Variants in VTA1 observed in about 807,000 individuals in gnomAD.
The protein encoded by VTA1 is vacuolar protein sorting-associated protein VTA1 homolog.
A neutral mutation model predicts 36.9 loss-of-function variants in VTA1; 24 were observed. The observed-to-expected ratio is 0.65, with a 90% CI of 0.47 to 0.91. The LOEUF (loss-of-function observed/expected upper bound fraction) is 0.91. Among genes scored for constraint, VTA1 ranks in the 40% least tolerant of loss-of-function variants. The pLI is 0.00. For synonymous variants in VTA1, 142 were observed against 130.2 expected, an observed-to-expected ratio of 1.09 and a Z score of -0.62; for missense variants, 393 against 377.2, an observed-to-expected ratio of 1.04 and a Z score of -0.35.
intron 4 of VTA1, among the ~76,000 whole-genome samples, chr6:142,186,175 G>A (rs1230199633): frequency 1.3e-5 from 2 of 152,046 alleles, no homozygotes; most frequent in African/African-American, 4.8e-5. Flanking sequence ...TTAGCTGGGT[G>A]AGGAAGAAAA....
At chr6:142,214,419 C>T (rs142549744) in intron 7 of VTA1, among the ~76,000 whole-genome samples, 33 of 152,192 alleles carry the variant, frequency 2.2e-4, no homozygotes, top group Non-Finnish European at 4.1e-4. Context: ...CTTCTTCACA[C>T]GGCAATAGGA....
chr6:142,162,334 G>A (rs1774826675), intron 1 of VTA1, among the ~76,000 whole-genome samples: 1 of 152,144 alleles, frequency 6.6e-6, no homozygotes, highest in Non-Finnish European at 1.5e-5. Flanking sequence ...CTATCAAGTA[G>A]CTAACTCTGC....
At chr6:142,163,159 A>G (rs1328290071) in intron 1 of VTA1, among the ~76,000 whole-genome samples, 2 of 152,204 alleles carry the variant, frequency 1.3e-5, no homozygotes, top group Non-Finnish European at 2.9e-5. Context: ...ACCCTATGTT[A>G]GTACACCAAT....
chr6:142,209,048 A>G (rs1775849947), intron 7 of VTA1, among the ~76,000 whole-genome samples: 1 of 152,194 alleles, frequency 6.6e-6, no homozygotes, highest in Admixed American at 6.5e-5. Flanking sequence ...AATAAAGTTC[A>G]TCCAAATTGA....
intron 5 of VTA1, among the ~76,000 whole-genome samples, chr6:142,196,170 T>C (rs939344697): frequency 2.6e-5 from 4 of 152,208 alleles, no homozygotes; most frequent in African/African-American, 9.6e-5. Context: ...TATATCTTGC[T>C]GATGTTCCTG....
intron 4 of VTA1, among the ~76,000 whole-genome samples, chr6:142,174,952 A>G (rs1259541542): frequency 6.6e-6 from 1 of 152,210 alleles, no homozygotes; most frequent in East Asian, 1.9e-4. Flanking sequence ...AGGCTTATGC[A>G]GCCTGCGGAA....
At chr6:142,218,346 A>T (rs1411610759) in intron 7 of VTA1, 152 bp from the exon 8 acceptor site, 3 of 745,824 alleles carry the variant, frequency 4.0e-6, no homozygotes, top group Non-Finnish European at 6.3e-6. Flanking sequence ...AAGAATGAAG[A>T]AAATGTATCA....
intron 6 of VTA1, among the ~76,000 whole-genome samples, chr6:142,199,707 A>G (rs1775642500): frequency 6.6e-6 from 1 of 152,124 alleles, no homozygotes; most frequent in Admixed American, 6.5e-5. Context: ...ATCTGCAAAA[A>G]TATTGCTAAC....
Position 142,213,066 on chromosome 6 carries a change from C to T in VTA1, c.779-5432C>T, listed in dbSNP as rs953003601. The stretch of plus-strand genomic sequence containing the variant: ...AACTCAAGTTTATAGTCCAGACTCT[C>T]CCCTGAGACAAGGTAAGTCCTTTCC... On this transcript the variant is annotated intron_variant, in intron 7 of 7. Coordinates refer to ENST00000367630, the MANE Select transcript of VTA1 (RefSeq NM_016485.5). Among the ~76,000 whole-genome samples the T allele has an allele frequency of 3.9e-5, 6 of 152,192 alleles. No homozygotes were observed. In the East Asian group the frequency reaches 5.8e-4, roughly 15 times the overall value.
intron 4 of VTA1, among the ~76,000 whole-genome samples, chr6:142,182,951 A>G (rs529290334): frequency 6.6e-6 from 1 of 152,164 alleles, no homozygotes; most frequent in Non-Finnish European, 1.5e-5. Context: ...ACACTGGGAC[A>G]TGAAAAAGGA....
rs1469784550 is a variant in VTA1, at chr6:142,204,007, A to G, written c.720A>G (p.Gln240=). The G allele has an allele frequency of 1.2e-6, 2 of 1,613,478 alleles. No homozygotes were observed. The highest frequency in any genetic ancestry group is 1.7e-5 in the Admixed American group (1 of 60,002). The part of the protein sequence containing the change: ...HSTGVASNTI[Q]PTPQTIPAID... ...CAGGTGTAGCAAGTAATACTATCCAACCTACTCCACAGACTATACCTGCCA... is the reference window on the plus strand; with the variant it reads ...CAGGTGTAGCAAGTAATACTATCCAGCCTACTCCACAGACTATACCTGCCA... The change falls in exon 7 of 8, where the codon CAA becomes CAG. Residue 240 remains glutamine, a synonymous_variant. Transcript: ENST00000367630.
At position 142,222,287 on chromosome 6, in the gene VTA1, G is replaced by A. The variant is rs777658241; in HGVS notation, c.*3644G>A. ...GACCAGCCCAAGTGAAACTGATAAC[G>A]GTGTTTTGTCAATGCGGCAGAGGGA... On this transcript the variant is annotated 3_prime_UTR_variant, in exon 8 of 8. Coordinates refer to ENST00000367630, the MANE Select transcript of VTA1 (RefSeq NM_016485.5). 3.3e-5 allele frequency: 5 copies of A among 152,120 alleles called. No individual in the cohort carries two copies. Among genetic ancestry groups the A allele is most frequent in the Non-Finnish European group, 5.9e-5 (4 of 68,024 alleles). 9.4% of individuals were successfully genotyped at this position (152,120 alleles called of 1,614,324 possible). A position where few individuals can be genotyped will look rare whatever the true frequency, so the allele number is the denominator to read the frequency against.
intron 6 of VTA1, among the ~76,000 whole-genome samples, chr6:142,201,178 AT>A (rs985168676): frequency 2.0e-5 from 3 of 151,756 alleles, no homozygotes; most frequent in Admixed American, 6.6e-5. Context: ...TTAGCCCCAG[AT>A]TTTTTTCTAT....
At chr6:142,206,259 T>C (rs921532575) in intron 7 of VTA1, among the ~76,000 whole-genome samples, 1 of 152,210 alleles carries the variant, frequency 6.6e-6, no homozygotes, top group Admixed American at 6.5e-5. Context: ...GCTTTCCACA[T>C]AGCAGCACAA....
intron 1 of VTA1, among the ~76,000 whole-genome samples, chr6:142,158,515 G>A (rs1562255261): frequency 6.6e-6 from 1 of 152,122 alleles, no homozygotes; most frequent in Non-Finnish European, 1.5e-5. Context: ...TTATTATCAA[G>A]TTATTATTAT....
At chr6:142,191,192 T>C (rs1362847097) in intron 5 of VTA1, among the ~76,000 whole-genome samples, 1 of 152,192 alleles carries the variant, frequency 6.6e-6, no homozygotes, top group East Asian at 1.9e-4. Context: ...AGAATATTTC[T>C]AGTCTTTTTC....
chr6:142,187,899 G>T (rs1380434775), intron 4 of VTA1, among the ~76,000 whole-genome samples: 1 of 149,568 alleles, frequency 6.7e-6, no homozygotes, highest in Non-Finnish European at 1.5e-5. Flanking sequence ...CTTTGCAAAA[G>T]GATACTTTCT....
intron 1 of VTA1, among the ~76,000 whole-genome samples, chr6:142,154,631 A>T (rs1335725042): frequency 1.3e-5 from 2 of 152,062 alleles, no homozygotes; most frequent in Admixed American, 1.3e-4. Context: ...TCTCACCAGC[A>T]TTTTGTGTCA....
chr6:142,177,084 T>G (rs1382715447), intron 4 of VTA1, among the ~76,000 whole-genome samples: 1 of 152,196 alleles, frequency 6.6e-6, no homozygotes, highest in Non-Finnish European at 1.5e-5. Flanking sequence ...ACTTTAGGTT[T>G]TCATGTTCTT....
Sources: gnomAD v4.1 joint callset for allele counts (sites outside exome capture counted in the v4.1 genomes callset) on GRCh38, gnomAD v4.1.1 for gene constraint, MANE v1.5 for transcripts, NCBI Gene and HGNC (gene_info 2026-07-23, HGNC 2026-07-21) for gene names.